The following CFAP299 variants were observed in gnomAD, a reference collection of about 807,000 sequenced individuals.
The protein encoded by CFAP299 is cilia- and flagella-associated protein 299.
A neutral mutation model predicts 27.0 loss-of-function variants in CFAP299; 21 were observed. That is an observed-to-expected ratio of 0.78 (90% CI 0.55 to 1.12). The LOEUF is 1.12. CFAP299 is among the 50% of genes most tolerant of loss of function. The probability of loss-of-function intolerance (pLI) is 0.00; values close to 1 mark genes in which losing one functional copy is unlikely to be tolerated. For missense variants in CFAP299, 310 were observed against 276.6 expected, an observed-to-expected ratio of 1.12 and a Z score of -0.86; for synonymous variants, 104 against 98.1, an observed-to-expected ratio of 1.06 and a Z score of -0.36.
rs570610283 is a variant in CFAP299, at chr4:80,782,730, T to C, written c.334-87263T>C. On this transcript the variant is annotated intron_variant, in intron 3 of 5. Transcript: ENST00000358105. Reference sequence around the variant, plus strand: ...ATAATATACATATATGAATATATAATATATTCACATATGGCATACATATAT... The same window carrying C: ...ATAATATACATATATGAATATATAACATATTCACATATGGCATACATATAT... Among the ~76,000 whole-genome samples the C allele has an allele frequency of 6.1e-5, 7 of 115,038 alleles. No individual in the cohort carries two copies. The East Asian group carries it at 1.2e-3, about 19-fold the overall frequency. 75.5% of individuals were successfully genotyped at this position (115,038 alleles called of 152,430 possible).
At chr4:80,818,274 A>G (rs1729525882) in intron 3 of CFAP299, among the ~76,000 whole-genome samples, 1 of 152,036 alleles carries the variant, frequency 6.6e-6, no homozygotes, top group Non-Finnish European at 1.5e-5. Context: ...AGGTTGATTC[A>G]TATTTTAGCC....
intron 4 of CFAP299, among the ~76,000 whole-genome samples, chr4:80,884,913 G>A (rs1030767257): frequency 1.3e-5 from 2 of 152,082 alleles, no homozygotes; most frequent in African/African-American, 2.4e-5. Context: ...ATAAGCAATC[G>A]CAGTATGTGG....
intron 3 of CFAP299, among the ~76,000 whole-genome samples, chr4:80,709,308 T>C (rs1239974251): frequency 1.3e-5 from 2 of 152,176 alleles, no homozygotes; most frequent in Non-Finnish European, 2.9e-5. Flanking sequence ...AAGCAAATCA[T>C]GCTGTTGAAA....
chr4:80,703,094 C>A (rs765812625), intron 3 of CFAP299, among the ~76,000 whole-genome samples: 4 of 151,750 alleles, frequency 2.6e-5, no homozygotes, highest in Non-Finnish European at 4.4e-5. Flanking sequence ...TAGCATATGT[C>A]TATTTAATAA....
intron 2 of CFAP299, among the ~76,000 whole-genome samples, chr4:80,528,690 T>A (rs971084791): frequency 1.3e-5 from 2 of 152,146 alleles, no homozygotes; most frequent in African/African-American, 4.8e-5. Flanking sequence ...ACAAGGATCA[T>A]TTCTGGGTTT....
At chr4:80,648,736 A>C (rs1409888434) in intron 3 of CFAP299, among the ~76,000 whole-genome samples, 1 of 152,182 alleles carries the variant, frequency 6.6e-6, no homozygotes, top group African/African-American at 2.4e-5. Flanking sequence ...TATCTTTCAC[A>C]ACAGCCTCAT....
At chr4:80,548,910 A>G (rs761973324) in intron 2 of CFAP299, among the ~76,000 whole-genome samples, 2 of 152,144 alleles carry the variant, frequency 1.3e-5, no homozygotes, top group Non-Finnish European at 1.5e-5. Flanking sequence ...AAGAGAAATT[A>G]CAGAAAAGCA....
chr4:80,755,316 T>C (rs945087507), intron 3 of CFAP299, among the ~76,000 whole-genome samples: 2 of 152,010 alleles, frequency 1.3e-5, no homozygotes, highest in Non-Finnish European at 2.9e-5. Flanking sequence ...AAAAGACAAA[T>C]AAAAATTATG....
rs3038537 is a variant in CFAP299, at chr4:80,900,123, AGTGTGTGT to A, written c.476+30019_476+30026del. The stretch of plus-strand genomic sequence containing the variant: ...AATAAATGACATAAAAGTGGAAGAA[AGTGTGTGT>A]GTGTGTGTGTGTGTGTGTGTGTGTG... On this transcript the variant is annotated intron_variant, in intron 4 of 5. Transcript: ENST00000358105. Among the ~76,000 whole-genome samples the A allele has an allele frequency of 4.3e-4, 60 of 139,896 alleles. 1 individual carries two copies. The highest frequency in any genetic ancestry group is 1.5e-3 in the African/African-American group (56 of 37,406). 91.8% of individuals were successfully genotyped at this position (139,896 alleles called of 152,430 possible). A position where few individuals can be genotyped will look rare whatever the true frequency, so the allele number is the denominator to read the frequency against.
chr4:80,335,782 A>G lies in CFAP299; in HGVS notation c.14A>G (p.Glu5Gly). 6.2e-7 allele frequency: 1 copy of G among 1,611,724 alleles called. No homozygotes were observed. Among genetic ancestry groups the G allele is most frequent in the Non-Finnish European group, 8.5e-7 (1 of 1,177,768 alleles). Residue 5 changes from glutamate (E) to glycine (G), a missense_variant, in exon 1 of 6, where the codon GAG becomes GGG. Physicochemically the swap from Glu to Gly is moderately conservative, Grantham distance 98. Transcript: ENST00000358105. MDQE[E>G]GLKALDNIVT... ...GAGGATACCGCAATGGATCAGGAAG[A>G]GGGGCTGAAGGCCTTGGACAATATT...
In CFAP299 at chr4:80,825,838, T is replaced by C. The variant is rs370981781; in HGVS notation, c.334-44155T>C. On this transcript the variant is annotated intron_variant, in intron 3 of 5. Coordinates refer to ENST00000358105, the MANE Select transcript of CFAP299 (RefSeq NM_152770.3). ...CTCAGGACAGGTAAACATATGAACA[T>C]TTATAAAGGCTAGTATTGTTATAAA... 5.9e-5 allele frequency among the ~76,000 whole-genome samples: 9 copies of C among 152,022 alleles called. No homozygotes were observed. In the South Asian group the frequency reaches 1.9e-3, roughly 31 times the overall value.
intron 4 of CFAP299, among the ~76,000 whole-genome samples, chr4:80,904,975 T>C (rs1391000118): frequency 6.6e-6 from 1 of 152,148 alleles, no homozygotes; most frequent in Non-Finnish European, 1.5e-5. Flanking sequence ...TTTTATACCA[T>C]GGTAAGCTTA....
At chr4:80,725,535 G>A (rs938672759) in intron 3 of CFAP299, among the ~76,000 whole-genome samples, 1 of 152,070 alleles carries the variant, frequency 6.6e-6, no homozygotes, top group African/African-American at 2.4e-5. Context: ...CTCACCATGG[G>A]GGTATTGTGT....
intron 3 of CFAP299, among the ~76,000 whole-genome samples, chr4:80,844,197 A>C (rs1731032671): frequency 6.6e-6 from 1 of 152,214 alleles, no homozygotes; most frequent in Non-Finnish European, 1.5e-5. Flanking sequence ...TATTGTGAAT[A>C]GTGCCACAAT....
intron 4 of CFAP299, among the ~76,000 whole-genome samples, chr4:80,927,656 A>C (rs1246899119): frequency 6.6e-6 from 1 of 152,132 alleles, no homozygotes; most frequent in Non-Finnish European, 1.5e-5. Context: ...GGCAAAATCT[A>C]GTTCCTTCTG....
At chr4:80,880,743 A>T (rs141362628) in intron 4 of CFAP299, among the ~76,000 whole-genome samples, 1,910 of 151,256 alleles carry the variant, frequency 0.013, 36 homozygotes, top group South Asian at 0.058. Flanking sequence ...AAAATAAAAT[A>T]AAATAAAATA....
chr4:80,330,936 A>G (rs1401921343), upstream of CFAP299, among the ~76,000 whole-genome samples: 3 of 152,212 alleles, frequency 2.0e-5, no homozygotes, highest in Non-Finnish European at 4.4e-5. Flanking sequence ...GAGGGTTGAC[A>G]TAGTCTTTGC....
Position 80,495,865 on chromosome 4 carries a change from C to A in CFAP299, c.243-87228C>A, listed in dbSNP as rs537046045. On this transcript the variant is annotated intron_variant, in intron 2 of 5. Transcript: ENST00000358105. ...TCTGGCAACCCAAATAAGCAGTGAC[C>A]AGAGGTGTACCTCTGCCCTTTTGAG... Among the ~76,000 whole-genome samples the A allele has an allele frequency of 1.1e-4, 17 of 152,206 alleles. 1 individual carries two copies. In the South Asian group the frequency reaches 3.5e-3, roughly 32 times the overall value.
chr4:80,488,908 G>C (rs1730972997), intron 2 of CFAP299, among the ~76,000 whole-genome samples: 2 of 152,178 alleles, frequency 1.3e-5, no homozygotes, highest in South Asian at 4.1e-4. Flanking sequence ...TATTCAGAGT[G>C]GGTACTATAA....
Sources: gnomAD v4.1 joint callset for allele counts (sites outside exome capture counted in the v4.1 genomes callset) on GRCh38, gnomAD v4.1.1 for gene constraint, MANE v1.5 for transcripts, NCBI Gene and HGNC (gene_info 2026-07-23, HGNC 2026-07-21) for gene names.